Variants in BRIP1 observed in about 807,000 individuals in gnomAD.
BRIP1 encodes the protein BRCA1 interacting DNA helicase 1, also known as Fanconi anemia group J protein.
In BRIP1, 88 loss-of-function variants were observed where a neutral mutation model predicts 119.7. The ratio of observed to expected loss-of-function variants is 0.74; its 90% CI spans 0.62 to 0.88. The LOEUF (loss-of-function observed/expected upper bound fraction) is 0.88. Among genes scored for constraint, BRIP1 ranks in the 40% least tolerant of loss-of-function variants. The probability of loss-of-function intolerance (pLI) is 0.00; values close to 1 mark genes in which losing one functional copy is unlikely to be tolerated. For missense variants in BRIP1, 1,259 were observed against 1,455.4 expected (o/e 0.87, Z 2.20); for synonymous variants, 443 against 496.5 (o/e 0.89, Z 1.43).
In BRIP1 at chr17:61,760,760, T is replaced by C. The variant is rs1037849254; in HGVS notation, c.2097+15641A>G. Among the ~76,000 whole-genome samples the C allele has an allele frequency of 1.3e-5, 2 of 151,792 alleles. No individual in the cohort carries two copies. Among genetic ancestry groups the C allele is most frequent in the Non-Finnish European group, 3.0e-5 (2 of 67,756 alleles). ...ATAGAAAATTTAAACAGACCAATAATGAGTTCTTTCCAATCAAAGAAAAGC... is the reference window on the plus strand; with the variant it reads ...ATAGAAAATTTAAACAGACCAATAACGAGTTCTTTCCAATCAAAGAAAAGC... On this transcript the variant is annotated intron_variant, in intron 14 of 19. Transcript: ENST00000259008. The surrounding 1 kb of genome is among the most constrained non-coding windows in gnomAD (Gnocchi z 4.6).
At chr17:61,772,265 G>A (rs1299432822) in intron 14 of BRIP1, among the ~76,000 whole-genome samples, 2 of 142,708 alleles carry the variant, frequency 1.4e-5, no homozygotes, top group Non-Finnish European at 3.0e-5. Context: ...CAAGATGGAC[G>A]AACCCTGAAA....
rs981464991 is a variant in BRIP1 at position 61,739,385 on chromosome 17, G to A, written c.2379+3628C>T. The A allele has an allele frequency of 5.3e-6, 1 of 190,314 alleles. No homozygotes were observed. The highest frequency in any genetic ancestry group is 2.3e-5 in the African/African-American group (1 of 42,928). The allele number at this position is 190,314 out of a possible 1,614,324, so 11.8% of individuals were successfully genotyped here. On this transcript the variant is annotated intron_variant, in intron 16 of 19. Transcript: ENST00000259008. The surrounding 1 kb of genome is among the most constrained non-coding windows in gnomAD (Gnocchi z 6.0). Reference sequence around the variant, plus strand: ...GACCCAGCTTTGGGCATAGCCATTAGTGCCCTCAGCAGTAGCACTGGTTAA... The same window carrying A: ...GACCCAGCTTTGGGCATAGCCATTAATGCCCTCAGCAGTAGCACTGGTTAA...
At chr17:61,813,341 T>C (rs1399369416) in intron 6 of BRIP1, among the ~76,000 whole-genome samples, 1 of 152,106 alleles carries the variant, frequency 6.6e-6, no homozygotes, top group African/African-American at 2.4e-5. Context: ...TGCAAATTCC[T>C]TGAAGACAGA....
At chr17:61,741,545 C>T (rs1011012922) in intron 16 of BRIP1, among the ~76,000 whole-genome samples, 15 of 152,206 alleles carry the variant, frequency 9.9e-5, no homozygotes, top group African/African-American at 3.1e-4. Context: ...GTAGAAATTA[C>T]TCCTTTATTC....
chr17:61,772,173 AT>A (rs2077460501), intron 14 of BRIP1, among the ~76,000 whole-genome samples: 2 of 56,796 alleles, frequency 3.5e-5, no homozygotes, highest in Non-Finnish European at 7.0e-5. Context: ...ATATATATAT[AT>A]ATATATATAT....
In BRIP1 at chr17:61,755,071, T is replaced by C. The variant is rs1023102399; in HGVS notation, c.2098-10480A>G. Among the ~76,000 whole-genome samples, 1 of 152,208 alleles carries C rather than the reference T, an allele frequency of 6.6e-6. No homozygotes were observed. The highest frequency in any genetic ancestry group is 1.5e-5 in the Non-Finnish European group (1 of 68,036). The stretch of plus-strand genomic sequence containing the variant: ...ACCCTGGAATACAAAAGGACAATGA[T>C]TTTTGTCTGTTTTACTTACTGCTGA... On this transcript the variant is annotated intron_variant, in intron 14 of 19. Coordinates refer to ENST00000259008, the MANE Select transcript of BRIP1 (RefSeq NM_032043.3). The surrounding 1 kb of genome is among the most constrained non-coding windows in gnomAD (Gnocchi z 4.5).
rs1164546318 is a variant in BRIP1 at position 61,806,846 on chromosome 17, C to T, written c.918+1621G>A. Among the ~76,000 whole-genome samples, 9 of 152,074 alleles carry T rather than the reference C, an allele frequency of 5.9e-5. No homozygotes were observed. The highest frequency in any genetic ancestry group is 8.8e-5 in the Non-Finnish European group (6 of 68,000). ...CCAAGTAGCTGGGATTACAAGCATG[C>T]GCCACCACGCCCAGCTAATTTTTTG... On this transcript the variant is annotated intron_variant, in intron 7 of 19. Coordinates refer to ENST00000259008, the MANE Select transcript of BRIP1 (RefSeq NM_032043.3). This position sits in a 1 kb window ranked among gnomAD's most constrained non-coding sequence, Gnocchi z 4.9.
In BRIP1 at chr17:61,780,280, T is replaced by C. The variant is rs1603333030; in HGVS notation, c.1916A>G (p.His639Arg). Reference protein sequence around the residue: ...VTFTIQLEANHIIKNSQVWVG... With the variant: ...VTFTIQLEANRIIKNSQVWVG... ...ACTAACCTGTGAATTTTTAATGATA[T>C]GATTAGCCTCCAGCTGGATAGTAAA... Residue 639 changes from histidine to arginine, a missense_variant, in exon 13 of 20, where the codon CAT becomes CGT. This residue lies in a region of BRIP1 where 753 missense variants were observed against 891.8 expected (regional missense o/e 0.84). Transcript: ENST00000259008. The surrounding 1 kb of genome is among the most constrained non-coding windows in gnomAD (Gnocchi z 5.4). The C allele has an allele frequency of 1.9e-6, 3 of 1,612,586 alleles. No homozygotes were observed. Among genetic ancestry groups the C allele is most frequent in the Non-Finnish European group, 2.5e-6 (3 of 1,179,314 alleles).
chr17:61,760,590 G>A lies in BRIP1; in HGVS notation c.2097+15811C>T, dbSNP rs1032380936. 6.6e-5 allele frequency among the ~76,000 whole-genome samples: 10 copies of A among 151,822 alleles called. No individual in the cohort carries two copies. The highest frequency in any genetic ancestry group is 1.4e-4 in the African/African-American group (6 of 41,388). On this transcript the variant is annotated intron_variant, in intron 14 of 19. Coordinates refer to ENST00000259008, the MANE Select transcript of BRIP1 (RefSeq NM_032043.3). The surrounding 1 kb of genome is among the most constrained non-coding windows in gnomAD (Gnocchi z 4.6). The stretch of plus-strand genomic sequence containing the variant: ...TATTCAAATAAAATGAGAAACAAAT[G>A]AGGAGATATTATAACTGATACCACA...
At position 61,807,592 on chromosome 17, in the gene BRIP1, A is replaced by G. The variant is rs1424621740; in HGVS notation, c.918+875T>C. Among the ~76,000 whole-genome samples, 1 of 152,136 alleles carries G rather than the reference A, an allele frequency of 6.6e-6. No homozygotes were observed. Among genetic ancestry groups the G allele is most frequent in the Non-Finnish European group, 1.5e-5 (1 of 67,996 alleles). On this transcript the variant is annotated intron_variant, in intron 7 of 19. Coordinates refer to ENST00000259008, the MANE Select transcript of BRIP1 (RefSeq NM_032043.3). This position sits in a 1 kb window ranked among gnomAD's most constrained non-coding sequence, Gnocchi z 4.5. The stretch of plus-strand genomic sequence containing the variant: ...TTATATGGTAGGGGGTGATATATCA[A>G]TGAAATGAAACTCTGGGGGCTATAG...
In BRIP1 at chr17:61,717,719, AAAC is replaced by A. The variant is rs539554009; in HGVS notation, c.2380-1659_2380-1657del. Among the ~76,000 whole-genome samples the A allele has an allele frequency of 1.3e-5, 2 of 152,032 alleles. No individual in the cohort carries two copies. Among genetic ancestry groups the A allele is most frequent in the Non-Finnish European group, 2.9e-5 (2 of 67,996 alleles). On this transcript the variant is annotated intron_variant, in intron 16 of 19. Coordinates refer to ENST00000259008, the MANE Select transcript of BRIP1 (RefSeq NM_032043.3). This position sits in a 1 kb window ranked among gnomAD's most constrained non-coding sequence, Gnocchi z 4.1. ...GACCTGTGGGCTTATAGTTTCTATC[AAAC>A]TTGAAAAATTTTCAGCCATTATTTC... is the stretch of plus-strand genomic sequence containing the variant.
In BRIP1 at chr17:61,755,315, T is replaced by C. The variant is rs2077186217; in HGVS notation, c.2098-10724A>G. Reference sequence around the variant, plus strand: ...TGGCCCACACCTGTAATCCCAGCACTTTGAGATGCTGAGGCTGGAGGATCA... The same window carrying C: ...TGGCCCACACCTGTAATCCCAGCACCTTGAGATGCTGAGGCTGGAGGATCA... On this transcript the variant is annotated intron_variant, in intron 14 of 19. Coordinates refer to ENST00000259008, the MANE Select transcript of BRIP1 (RefSeq NM_032043.3). This position sits in a 1 kb window ranked among gnomAD's most constrained non-coding sequence, Gnocchi z 4.5. 6.6e-6 allele frequency among the ~76,000 whole-genome samples: 1 copy of C among 152,094 alleles called. No homozygotes were observed. Among genetic ancestry groups the C allele is most frequent in the South Asian group, 2.1e-4 (1 of 4,834 alleles).
At chr17:61,836,840 G>A (rs1477130018) in intron 6 of BRIP1, among the ~76,000 whole-genome samples, 1 of 152,124 alleles carries the variant, frequency 6.6e-6, no homozygotes, top group Non-Finnish European at 1.5e-5. Flanking sequence ...ACCTGTAACA[G>A]TATAAAAATG....
rs2077177477 is a variant in BRIP1, at chr17:61,754,755, C to G, written c.2098-10164G>C. On this transcript the variant is annotated intron_variant, in intron 14 of 19. Coordinates refer to ENST00000259008, the MANE Select transcript of BRIP1 (RefSeq NM_032043.3). The surrounding 1 kb of genome is among the most constrained non-coding windows in gnomAD (Gnocchi z 4.1). ...CTCTTCTTGGCTTGCAGACAGCCAC[C>G]TTCTGTGTCCTCACATGGCCTTTCC... Among the ~76,000 whole-genome samples, 3 of 152,136 alleles carry G rather than the reference C, an allele frequency of 2.0e-5. No homozygotes were observed. Among genetic ancestry groups the G allele is most frequent in the Non-Finnish European group, 2.9e-5 (2 of 68,028 alleles).
chr17:61,826,918 T>A (rs1386222338), intron 6 of BRIP1, among the ~76,000 whole-genome samples: 2 of 152,158 alleles, frequency 1.3e-5, no homozygotes, highest in Non-Finnish European at 2.9e-5. Context: ...ATCCCATTAC[T>A]GGGTATATAC....
In BRIP1 at chr17:61,748,936, G is replaced by A. The variant is rs2077095475; in HGVS notation, c.2098-4345C>T. Among the ~76,000 whole-genome samples, 1 of 152,164 alleles carries A rather than the reference G, an allele frequency of 6.6e-6. No individual in the cohort carries two copies. The highest frequency in any genetic ancestry group is 2.4e-5 in the African/African-American group (1 of 41,438). On this transcript the variant is annotated intron_variant, in intron 14 of 19. Transcript: ENST00000259008. This position sits in a 1 kb window ranked among gnomAD's most constrained non-coding sequence, Gnocchi z 4.7. ...GCAGATCACGAGGTCAGGAGATTGAGACCATCCTGGCTAACACGGTGAAAC... is the reference window on the plus strand; with the variant it reads ...GCAGATCACGAGGTCAGGAGATTGAAACCATCCTGGCTAACACGGTGAAAC...
chr17:61,847,489 C>T lies in BRIP1; in HGVS notation c.508-269G>A, dbSNP rs118049400. On this transcript the variant is annotated intron_variant, in intron 5 of 19. Coordinates refer to ENST00000259008, the MANE Select transcript of BRIP1 (RefSeq NM_032043.3). ...CAAAATTAGAGTATTGTAAAATGAA[C>T]TTCTCATAAAATAGTCCCATCATAT... is the stretch of plus-strand genomic sequence containing the variant. 1.6e-4 allele frequency among the ~76,000 whole-genome samples: 24 copies of T among 152,242 alleles called. No homozygotes were observed. The East Asian group carries it at 3.3e-3, about 21-fold the overall frequency.
rs984163388 is a variant in BRIP1 at position 61,832,900 on chromosome 17, G to A, written c.627+14201C>T. ...TTGCTTATAAGACATAGACACTAAA[G>A]TATTTCAGGGTGAGGGAACATCAGG... On this transcript the variant is annotated intron_variant, in intron 6 of 19. Transcript: ENST00000259008. The surrounding 1 kb of genome is among the most constrained non-coding windows in gnomAD (Gnocchi z 5.5). 6.6e-6 allele frequency among the ~76,000 whole-genome samples: 1 copy of A among 152,180 alleles called. No homozygotes were observed. Among genetic ancestry groups the A allele is most frequent in the African/African-American group, 2.4e-5 (1 of 41,448 alleles).
rs1162755817 is a variant in BRIP1 at position 61,681,616 on chromosome 17, A to T, written c.*1680T>A. ...TTTCACCCTTTCAAAACAATGTAAA[A>T]ATTACCTTCTAATCGAGTATTTGGT... is the stretch of plus-strand genomic sequence containing the variant. On this transcript the variant is annotated 3_prime_UTR_variant, in exon 20 of 20. Transcript: ENST00000259008. This position sits in a 1 kb window ranked among gnomAD's most constrained non-coding sequence, Gnocchi z 5.1. 1 of 200,412 alleles carries T rather than the reference A, an allele frequency of 5.0e-6. No homozygotes were observed. The highest frequency in any genetic ancestry group is 2.3e-5 in the African/African-American group (1 of 43,478). The allele number at this position is 200,412 out of a possible 1,614,324, so 12.4% of individuals were successfully genotyped here.
Sources: gnomAD v4.1 joint callset for allele counts (sites outside exome capture counted in the v4.1 genomes callset) on GRCh38, gnomAD v4.1.1 for gene constraint, gnomAD v4.1.1 regional missense constraint, Gnocchi (gnomAD v3.1) non-coding constraint, MANE v1.5 for transcripts, NCBI Gene and HGNC (gene_info 2026-07-23, HGNC 2026-07-21) for gene names.